Variants in ESRRG observed in about 807,000 individuals in gnomAD.
ESRRG encodes the protein estrogen-related receptor gamma.
ESRRG carries 13 observed loss-of-function variants against 44.0 expected under a neutral mutation model. That is an observed-to-expected ratio of 0.30 (90% CI 0.19 to 0.47). The LOEUF is 0.47. Among genes scored for constraint, ESRRG ranks in the 20% least tolerant of loss-of-function variants. ESRRG has a pLI of 1.00. For missense variants in ESRRG, 395 were observed against 580.6 expected (o/e 0.68, Z 3.29); for synonymous variants, 215 against 214.6 (o/e 1.00, Z -0.02).
At chr1:216,895,527 T>C (rs141071001) in intron 2 of ESRRG, among the ~76,000 whole-genome samples, 240 of 152,344 alleles carry the variant, frequency 1.6e-3, no homozygotes, top group African/African-American at 5.7e-3. Context: ...AATTGGAAGA[T>C]AAAATTTTCC....
intron 4 of ESRRG, among the ~76,000 whole-genome samples, chr1:216,567,462 G>A (rs191990461): frequency 6.6e-6 from 1 of 152,130 alleles, no homozygotes; most frequent in African/African-American, 2.4e-5. Flanking sequence ...GTTATTAGTA[G>A]TGCCCATTCT....
intron 2 of ESRRG, among the ~76,000 whole-genome samples, chr1:216,776,115 G>A (rs1366172689): frequency 6.6e-6 from 1 of 151,960 alleles, no homozygotes; most frequent in Non-Finnish European, 1.5e-5. Flanking sequence ...TAGATTAAGG[G>A]CACAGTGCTT....
chr1:216,569,942 C>T (rs544170242), intron 3 of ESRRG, among the ~76,000 whole-genome samples: 1 of 152,082 alleles, frequency 6.6e-6, no homozygotes, highest in African/African-American at 2.4e-5. Context: ...TTTGGAATAC[C>T]GATTAATGTC....
chr1:216,643,910 T>C (rs1038460322), intron 3 of ESRRG, among the ~76,000 whole-genome samples: 4 of 152,134 alleles, frequency 2.6e-5, no homozygotes, highest in African/African-American at 9.7e-5. Context: ...GTAGTTCAGG[T>C]CACTCTTGGC....
intron 3 of ESRRG, among the ~76,000 whole-genome samples, chr1:216,613,811 G>A (rs2061007116): frequency 6.6e-6 from 1 of 152,192 alleles, no homozygotes; most frequent in Non-Finnish European, 1.5e-5. Context: ...ATATTTGAAA[G>A]ATGATGGATA....
At chr1:216,566,354 G>A (rs373131966) in intron 4 of ESRRG, among the ~76,000 whole-genome samples, 1 of 152,134 alleles carries the variant, frequency 6.6e-6, no homozygotes, top group Non-Finnish European at 1.5e-5. Context: ...TTAACACAGA[G>A]GCCTTTAGAT....
At chr1:216,846,881 G>GTA (rs200056171) in intron 2 of ESRRG, among the ~76,000 whole-genome samples, 137 of 151,734 alleles carry the variant, frequency 9.0e-4, no homozygotes, top group African/African-American at 3.1e-3. Flanking sequence ...ATAGTTTTTT[G>GTA]TATATATATT....
chr1:216,526,160 G>C (rs533681431), intron 5 of ESRRG, among the ~76,000 whole-genome samples: 8 of 152,208 alleles, frequency 5.3e-5, no homozygotes, highest in African/African-American at 1.9e-4. Context: ...TTGAGGTCTA[G>C]AGATCTGACT....
At chr1:216,932,459 T>C (rs761338996) in intron 2 of ESRRG, among the ~76,000 whole-genome samples, 1 of 152,140 alleles carries the variant, frequency 6.6e-6, no homozygotes, top group Admixed American at 6.6e-5. Flanking sequence ...TTCCCGATAA[T>C]AAATTGACAA....
intron 2 of ESRRG, among the ~76,000 whole-genome samples, chr1:216,837,191 C>T (rs2095578812): frequency 2.0e-5 from 3 of 151,636 alleles, no homozygotes; most frequent in South Asian, 2.1e-4. Flanking sequence ...GGGCAGATCA[C>T]GAGGTCAGGA....
chr1:216,650,605 A>T (rs1024535621), intron 3 of ESRRG, among the ~76,000 whole-genome samples: 1 of 147,890 alleles, frequency 6.8e-6, no homozygotes, highest in Admixed American at 6.7e-5. Context: ...AAGATTAATT[A>T]AAAAAAAAAA....
chr1:217,091,998 G>A (rs1158757664), upstream of ESRRG, among the ~76,000 whole-genome samples: 1 of 152,138 alleles, frequency 6.6e-6, no homozygotes, highest in African/African-American at 2.4e-5. Context: ...TGTCTTCCAT[G>A]CTGTTTGTCA....
intron 3 of ESRRG, among the ~76,000 whole-genome samples, chr1:216,645,032 A>G (rs1164165553): frequency 6.6e-6 from 1 of 152,212 alleles, no homozygotes; most frequent in Non-Finnish European, 1.5e-5. Context: ...GCACTTCAAT[A>G]TATTGACAAG....
intron 1 of ESRRG, chr1:216,985,738 A>C (rs898676673): frequency 6.6e-6 from 1 of 152,210 alleles, no homozygotes; most frequent in African/African-American, 2.4e-5. Flanking sequence ...CTTAGAGGGT[A>C]AATGTATTCA....
chr1:216,688,385 G>C (rs898121980), intron 1 of ESRRG, among the ~76,000 whole-genome samples: 1 of 152,136 alleles, frequency 6.6e-6, no homozygotes, highest in African/African-American at 2.4e-5. Flanking sequence ...GCTTCCATTC[G>C]CAAAGAACCT....
chr1:216,891,778 C>G (rs1383447923), intron 2 of ESRRG, among the ~76,000 whole-genome samples: 1 of 144,426 alleles, frequency 6.9e-6, no homozygotes, highest in African/African-American at 2.5e-5. Flanking sequence ...CAAATATACT[C>G]TTAGTGTGGT....
At chr1:216,949,625 T>A (rs1420058743) in intron 1 of ESRRG, among the ~76,000 whole-genome samples, 4 of 152,070 alleles carry the variant, frequency 2.6e-5, no homozygotes, top group Non-Finnish European at 5.9e-5. Flanking sequence ...TTCAAAAAAA[T>A]TACAATATTT....
chr1:217,122,944 G>A (rs919288184), intron 1 of ESRRG, among the ~76,000 whole-genome samples: 8 of 151,542 alleles, frequency 5.3e-5, no homozygotes, highest in South Asian at 2.1e-4. Flanking sequence ...CGCCTGCCTC[G>A]GCCTCCCAAA....
intron 1 of ESRRG, among the ~76,000 whole-genome samples, chr1:216,990,761 A>T (rs1464432371): frequency 6.6e-6 from 1 of 152,220 alleles, no homozygotes; most frequent in Non-Finnish European, 1.5e-5. Context: ...CACATATAAC[A>T]TACAAAATAT....
Sources: allele counts gnomAD v4.1 joint callset (sites outside exome capture counted in the v4.1 genomes callset), GRCh38; gene constraint gnomAD v4.1.1; transcripts MANE v1.5; gene names NCBI Gene and HGNC (gene_info 2026-07-23, HGNC 2026-07-21).